COPS3: variants seen among roughly 807,000 people sequenced by gnomAD.
The protein encoded by COPS3 is COP9 signalosome subunit 3.
A neutral mutation model predicts 58.2 loss-of-function variants in COPS3; 10 were observed. That is an observed-to-expected ratio of 0.17 (90% CI 0.11 to 0.29). COPS3 has a LOEUF of 0.29. COPS3 is among the 10% of genes least tolerant of loss of function. The pLI is 1.00. For synonymous variants in COPS3, 187 were observed against 181.7 expected (o/e 1.03, Z -0.24); for missense variants, 333 against 510.1 (o/e 0.65, Z 3.34).
chr17:17,275,932 A>C, intron 2 of COPS3, 103 bp downstream of exon 2: 10 of 1,126,200 alleles, frequency 8.9e-6, no homozygotes, highest in Non-Finnish European at 1.2e-5. Context: ...ACAGAGCGAA[A>C]CTCCATCTCA....
intron 2 of COPS3, among the ~76,000 whole-genome samples, chr17:17,275,239 C>T (rs7225876): frequency 0.65 from 98,413 of 151,608 alleles, 32,283 homozygotes; most frequent in East Asian, 0.85. Context: ...TACAGGCATG[C>T]GCCAACACAC....
chr17:17,270,967 G>A lies in COPS3; in HGVS notation c.227C>T (p.Thr76Met), dbSNP rs147175757. The change falls in exon 3 of 12, where the codon ACG (threonine) becomes ATG (methionine). Residue 76 changes from threonine to methionine, a missense_variant. By Grantham distance (81) the Thr-to-Met change is moderately conservative. Transcript: ENST00000268717. ...FSMPSVPDFE[T>M]LFSQVQLFIS... ...GAAGAGCTGAACCTGTGAGAATAGC[G>A]TTTCGAAGTCAGGAACACTGGGCAT... 2.8e-4 allele frequency: 444 copies of A among 1,613,978 alleles called. 1 individual carries two copies. The Middle Eastern group carries it at 4.6e-3, about 17-fold the overall frequency.
intron 6 of COPS3, 137 bp downstream of exon 6, chr17:17,264,665 C>T (rs2048181959): frequency 1.5e-6 from 1 of 652,896 alleles, no homozygotes; most frequent in Non-Finnish European, 2.6e-6. Flanking sequence ...TACATGATCA[C>T]AGAGAAGTAG....
chr17:17,247,838 A>G, intron 10 of COPS3: 2 of 318,462 alleles, frequency 6.3e-6, no homozygotes, highest in Non-Finnish European at 5.7e-6. Context: ...GCTGAGATAA[A>G]TGAAGACTAG....
At chr17:17,268,776 G>A (rs11652745) in intron 4 of COPS3, among the ~76,000 whole-genome samples, 76,481 of 151,466 alleles carry the variant, frequency 0.5, 19,734 homozygotes, top group East Asian at 0.63. Context: ...CTGAGATCGC[G>A]CCACTGCACT....
In COPS3 at chr17:17,246,836, TAAAAC is replaced by T. The variant is rs1488036238; in HGVS notation, c.*257_*261del. On this transcript the variant is annotated 3_prime_UTR_variant, in exon 12 of 12. Transcript: ENST00000268717. Reference sequence around the variant, plus strand: ...AAGACACATTAATGTTCAAGCAACTTAAAACAAAAAGGTAGATTTAATGCAGTAAC... The same window carrying T: ...AAGACACATTAATGTTCAAGCAACTTAAAAAGGTAGATTTAATGCAGTAAC... 10 of 465,540 alleles carry T rather than the reference TAAAAC, an allele frequency of 2.1e-5. No individual in the cohort carries two copies. The highest frequency in any genetic ancestry group is 7.7e-5 in the African/African-American group (4 of 51,752). The allele number at this position is 465,540 out of a possible 1,614,324, so 28.8% of individuals were successfully genotyped here. A position where few individuals can be genotyped will look rare whatever the true frequency, so the allele number is the denominator to read the frequency against.
chr17:17,247,254 C>G, intron 11 of COPS3, 103 bp from the exon 12 acceptor site: 1 of 1,170,286 alleles, frequency 8.5e-7, no homozygotes, highest in East Asian at 2.3e-5. Flanking sequence ...CAGAACAAAG[C>G]CCCCTGTGAA....
intron 8 of COPS3, among the ~76,000 whole-genome samples, chr17:17,257,796 C>CAAA (rs1387883200): frequency 3.3e-5 from 2 of 60,182 alleles, no homozygotes; most frequent in Non-Finnish European, 6.8e-5. Context: ...GACTCCGTCT[C>CAAA]AAAAAAAAAA....
intron 9 of COPS3, among the ~76,000 whole-genome samples, chr17:17,250,690 T>C (rs1362499781): frequency 1.3e-5 from 2 of 152,188 alleles, no homozygotes; most frequent in African/African-American, 4.8e-5. Flanking sequence ...CCAATAAAAG[T>C]ACAAAACAGG....
intron 10 of COPS3, among the ~76,000 whole-genome samples, chr17:17,248,395 C>T (rs1473636195): frequency 6.6e-6 from 1 of 152,200 alleles, no homozygotes; most frequent in East Asian, 1.9e-4. Flanking sequence ...CTTACTGTAA[C>T]ATCTGCCTCC....
In COPS3 at chr17:17,276,052, C is replaced by T. The variant is rs772691704; in HGVS notation, c.168G>A (p.Leu56=). The change falls in exon 2 of 12, where the codon TTG becomes TTA. Residue 56 remains leucine (L), a synonymous_variant. Transcript: ENST00000268717. ...CTCCTTACAAAACAGCAAGGACGCC[C>T]AAGGAGTGTTCTTGTACATCCAGAG... ...LGALDVQEHS[L]GVLAVLFVKF... The T allele has an allele frequency of 6.2e-7, 1 of 1,613,892 alleles. No individual in the cohort carries two copies. The highest frequency in any genetic ancestry group is 1.1e-5 in the South Asian group (1 of 91,054).
rs936264269 is a variant in COPS3, at chr17:17,247,424, C to G, written c.1218+56G>C. The G allele has an allele frequency of 2.0e-6, 3 of 1,502,570 alleles. No homozygotes were observed. The Middle Eastern group carries it at 5.2e-4, about 258-fold the overall frequency. The allele number at this position is 1,502,570 out of a possible 1,614,324, so 93.1% of individuals were successfully genotyped here. A position where few individuals can be genotyped will look rare whatever the true frequency, so the allele number is the denominator to read the frequency against. On this transcript the variant is annotated intron_variant, in intron 11 of 11. Transcript: ENST00000268717. ...AACTTAGTTCCTGTGCCTGATGTGA[C>G]AACACCCCTCCTTCTCCACCCAGCC... is the stretch of plus-strand genomic sequence containing the variant.
intron 4 of COPS3, among the ~76,000 whole-genome samples, chr17:17,269,992 C>G (rs1178699967): frequency 6.6e-6 from 1 of 152,022 alleles, no homozygotes; most frequent in Non-Finnish European, 1.5e-5. Context: ...CCCGTCTCTA[C>G]TAAAATACAA....
intron 6 of COPS3, among the ~76,000 whole-genome samples, chr17:17,263,242 C>T (rs1240962326): frequency 2.6e-4 from 39 of 147,742 alleles, no homozygotes; most frequent in Non-Finnish European, 5.5e-4. Flanking sequence ...GAGCCGAGAT[C>T]GTGCCACTGC....
chr17:17,258,844 T>A (rs2048033324), intron 8 of COPS3, among the ~76,000 whole-genome samples: 1 of 152,222 alleles, frequency 6.6e-6, no homozygotes, highest in Non-Finnish European at 1.5e-5. Context: ...TCTTCATTTT[T>A]CTCTCATAAA....
chr17:17,247,198 G>C (rs2047742850), intron 11 of COPS3, 47 bp from the exon 12 acceptor site: 1 of 1,576,924 alleles, frequency 6.3e-7, no homozygotes, highest in African/African-American at 1.3e-5. Flanking sequence ...CTTTTATCAA[G>C]GGTTCCCCGG....
chr17:17,280,647 C>T, intron 1 of COPS3: 1 of 1,304,064 alleles, frequency 7.7e-7, no homozygotes, highest in South Asian at 1.2e-5. Context: ...CGCCTGGCAG[C>T]GGAGGAGCTG....
chr17:17,254,010 T>C (rs1034719680), intron 9 of COPS3, among the ~76,000 whole-genome samples: 2 of 143,446 alleles, frequency 1.4e-5, no homozygotes, highest in Non-Finnish European at 3.0e-5. Context: ...TAAAAGAAAA[T>C]AATAAGGAGT....
intron 9 of COPS3, among the ~76,000 whole-genome samples, chr17:17,251,811 C>T (rs1459600455): frequency 5.3e-5 from 8 of 151,704 alleles, no homozygotes; most frequent in Admixed American, 5.3e-4. Context: ...GGAGGCCGGG[C>T]ACGGTGGCTC....
Sources: allele counts gnomAD v4.1 joint callset (sites outside exome capture counted in the v4.1 genomes callset), GRCh38; gene constraint gnomAD v4.1.1; transcripts MANE v1.5; gene names NCBI Gene and HGNC (gene_info 2026-07-23, HGNC 2026-07-21).